DAGLB: variants seen among roughly 807,000 people sequenced by gnomAD.
DAGLB encodes diacylglycerol lipase beta.
In DAGLB, 66 loss-of-function variants were observed where a neutral mutation model predicts 72.1. The ratio of observed to expected loss-of-function variants is 0.92; its 90% confidence interval spans 0.75 to 1.12. The LOEUF is 1.12. DAGLB is among the 50% of genes most tolerant of loss of function. The pLI, the probability that DAGLB is intolerant of heterozygous loss-of-function variation, is 0.00. For synonymous variants in DAGLB, 414 were observed against 359.5 expected (o/e 1.15, Z -1.71); for missense variants, 1,065 against 884.9 (o/e 1.20, Z -2.58).
At chr7:6,429,904 AGT>A (rs1349823403) in intron 6 of DAGLB, among the ~76,000 whole-genome samples, 1 of 151,972 alleles carries the variant, frequency 6.6e-6, no homozygotes, top group East Asian at 1.9e-4. Context: ...ATTAGCCAGC[AGT>A]GGTGGCGGGC....
intron 9 of DAGLB, chr7:6,417,452 C>T (rs1783957519): frequency 1.3e-5 from 2 of 153,724 alleles, no homozygotes; most frequent in African/African-American, 4.8e-5. Flanking sequence ...AACAACCAAA[C>T]ATCTTTCCAC....
Position 6,432,920 on chromosome 7 carries a change from C to T in DAGLB, c.718G>A (p.Ala240Thr), listed in dbSNP as rs755797799. The change falls in exon 5 of 15, where the codon GCC (alanine) becomes ACC (threonine). Residue 240 changes from alanine to threonine, a missense_variant. Coordinates refer to ENST00000297056, the MANE Select transcript of DAGLB (RefSeq NM_139179.4). ...TTGTCCTGTTGCTGATGAAGCAGGG[C>T]GAGGCCCGCCGCAATGTCGCTGGGC... is the stretch of plus-strand genomic sequence containing the variant. ...LVPSDIAAGL[A>T]LLHQQQDNIR... 5.6e-6 allele frequency: 9 copies of T among 1,612,902 alleles called. No individual in the cohort carries two copies. The highest frequency in any genetic ancestry group is 1.1e-5 in the South Asian group (1 of 91,058).
rs1180875374 is a variant in DAGLB at position 6,447,824 on chromosome 7, A to G, written c.19T>C (p.Phe7Leu). 1 of 1,612,840 alleles carries G rather than the reference A, an allele frequency of 6.2e-7. No homozygotes were observed. The highest frequency in any genetic ancestry group is 1.1e-5 in the South Asian group (1 of 90,872). The change falls in exon 1 of 15, where the codon TTC (phenylalanine) becomes CTC (leucine). Residue 7 changes from phenylalanine (F) to leucine (L), a missense_variant. Phe to Leu is a conservative substitution (Grantham distance 22). Coordinates refer to ENST00000297056, the MANE Select transcript of DAGLB (RefSeq NM_139179.4). MPGMVLFGRRWAIASDD... is the reference protein window; with the variant it reads MPGMVLLGRRWAIASDD... The stretch of plus-strand genomic sequence containing the variant: ...CTGGCGATGGCCCAGCGCCGGCCGA[A>G]GAGTACCATCCCCGGCATGGCGAAG...
At position 6,410,176 on chromosome 7, in the gene DAGLB, G is replaced by C; in HGVS notation, c.1774C>G (p.Pro592Ala). 3 of 1,590,240 alleles carry C rather than the reference G, an allele frequency of 1.9e-6. No homozygotes were observed. Among genetic ancestry groups the C allele is most frequent in the Non-Finnish European group, 1.7e-6 (2 of 1,165,544 alleles). ...DSSPKYPPLY[P>A]PGRIIHLQEE... ...TGCAGGTGGATGATCCTGCCGGGAGGGTAGAGAGGGGGGTACTTGGGAGAA... is the reference window on the plus strand; with the variant it reads ...TGCAGGTGGATGATCCTGCCGGGAGCGTAGAGAGGGGGGTACTTGGGAGAA... The change falls in exon 14 of 15, where the codon CCT (proline) becomes GCT (alanine). Residue 592 changes from proline (P) to alanine (A), a missense_variant. Physicochemically the swap from Pro to Ala is conservative, Grantham distance 27. Transcript: ENST00000297056.
rs771212844 is a variant in DAGLB at position 6,410,302 on chromosome 7, C to T, written c.1648G>A (p.Gly550Ser). 1.2e-6 allele frequency: 2 copies of T among 1,614,028 alleles called. No homozygotes were observed. Among genetic ancestry groups the T allele is most frequent in the African/African-American group, 1.3e-5 (1 of 75,038 alleles). Reference sequence around the variant, plus strand: ...GGCTGTGTCAGGACTTCCTGGTCGCCCCCGTCCAGCTCCGTGGGCAAGTTG... The same window carrying T: ...GGCTGTGTCAGGACTTCCTGGTCGCTCCCGTCCAGCTCCGTGGGCAAGTTG... ...PNNLPTELDG[G>S]DQEVLTQPLL... Residue 550 changes from glycine (G) to serine (S), a missense_variant, in exon 14 of 15, where the codon GGC (glycine) becomes AGC (serine). Physicochemically the swap from Gly to Ser is moderately conservative, Grantham distance 56. Coordinates refer to ENST00000297056, the MANE Select transcript of DAGLB (RefSeq NM_139179.4).
intron 11 of DAGLB, among the ~76,000 whole-genome samples, chr7:6,414,605 G>A (rs1583280675): frequency 1.3e-5 from 2 of 152,046 alleles, no homozygotes; most frequent in South Asian, 4.1e-4. Context: ...CCAGCCTCCT[G>A]ATGTTTAAGT....
At chr7:6,411,323 TA>T (rs1400118060) in intron 13 of DAGLB, among the ~76,000 whole-genome samples, 1 of 150,350 alleles carries the variant, frequency 6.7e-6, no homozygotes, top group African/African-American at 2.4e-5. Flanking sequence ...TACTAATTTC[TA>T]AAAAAAATTT....
At chr7:6,421,673 C>T in intron 9 of DAGLB, 54 bp downstream of exon 9, 1 of 1,554,210 alleles carries the variant, frequency 6.4e-7, no homozygotes, top group South Asian at 1.2e-5. Flanking sequence ...CCGAGGCACC[C>T]ATCTTCTGTG....
chr7:6,409,741 G>A lies in DAGLB; in HGVS notation c.*96C>T. The A allele has an allele frequency of 2.2e-6, 3 of 1,346,712 alleles. No individual in the cohort carries two copies. The highest frequency in any genetic ancestry group is 2.0e-6 in the Non-Finnish European group (2 of 989,158). The allele number at this position is 1,346,712 out of a possible 1,614,324, so 83.4% of individuals were successfully genotyped here. ...ATCCGATTCCTGTTGATGGACATTC[G>A]CTGTTTTGGCGTCATGGGAACTCCT... On this transcript the variant is annotated 3_prime_UTR_variant, in exon 15 of 15. Coordinates refer to ENST00000297056, the MANE Select transcript of DAGLB (RefSeq NM_139179.4).
chr7:6,416,536 T>C lies in DAGLB; in HGVS notation c.1427+91A>G, dbSNP rs527338603. 4 of 1,504,562 alleles carry C rather than the reference T, an allele frequency of 2.7e-6. No homozygotes were observed. The East Asian group carries it at 9.2e-5, about 34-fold the overall frequency. The allele number at this position is 1,504,562 out of a possible 1,614,324, so 93.2% of individuals were successfully genotyped here. ...CCAGCCTGGGCGACAGAGCAAGACT[T>C]CATCTCAGGAAAATAAAAGAAAAAA... On this transcript the variant is annotated intron_variant, in intron 11 of 14. Coordinates refer to ENST00000297056, the MANE Select transcript of DAGLB (RefSeq NM_139179.4).
chr7:6,441,427 T>C (rs937406576), intron 2 of DAGLB, among the ~76,000 whole-genome samples: 2 of 144,118 alleles, frequency 1.4e-5, no homozygotes, highest in Admixed American at 1.4e-4. Context: ...TTTTCTTTTT[T>C]TTTTTTTTGA....
chr7:6,431,101 G>A (rs1784474853), intron 5 of DAGLB, among the ~76,000 whole-genome samples: 1 of 151,872 alleles, frequency 6.6e-6, no homozygotes. Context: ...TAGGAACACA[G>A]CAAGCACGGG....
Position 6,421,789 on chromosome 7 carries a change from G to C in DAGLB, c.1156C>G (p.Leu386Val). 6.2e-7 allele frequency: 1 copy of C among 1,613,152 alleles called. No homozygotes were observed. Among genetic ancestry groups the C allele is most frequent in the Non-Finnish European group, 8.5e-7 (1 of 1,179,620 alleles). ...TCCAGCACCTCACTCTCCGCTGACA[G>C]GTCCGTAAGGACATCCTGTAAAAAG... ...TMSLQDVLTDLSAESEVLDVE... is the reference protein window; with the variant it reads ...TMSLQDVLTDVSAESEVLDVE... The change falls in exon 9 of 15, where the codon CTG becomes GTG. Residue 386 changes from leucine (L) to valine (V), a missense_variant. Coordinates refer to ENST00000297056, the MANE Select transcript of DAGLB (RefSeq NM_139179.4).
chr7:6,432,896 T>C lies in DAGLB; in HGVS notation c.742A>G (p.Asn248Asp). 1.9e-6 allele frequency: 3 copies of C among 1,613,866 alleles called. No homozygotes were observed. Among genetic ancestry groups the C allele is most frequent in the Admixed American group, 1.7e-5 (1 of 60,016 alleles). The change falls in exon 5 of 15, where the codon AAT becomes GAT. Residue 248 changes from asparagine (N) to aspartate (D), a missense_variant. By Grantham distance (23) the Asn-to-Asp change is conservative (BLOSUM62 1). Transcript: ENST00000297056. ...GCAGGCTCTTGGTTGTTCCTGATATTGTCCTGTTGCTGATGAAGCAGGGCG... is the reference window on the plus strand; with the variant it reads ...GCAGGCTCTTGGTTGTTCCTGATATCGTCCTGTTGCTGATGAAGCAGGGCG... Reference protein sequence around the residue: ...GLALLHQQQDNIRNNQEPAQV... With the variant: ...GLALLHQQQDDIRNNQEPAQV...
In DAGLB at chr7:6,430,868, C is replaced by G. The variant is rs141395797; in HGVS notation, c.802-261G>C. Among the ~76,000 whole-genome samples the G allele has an allele frequency of 2.3e-3, 343 of 152,124 alleles. 3 individuals carry two copies. Among genetic ancestry groups the G allele is most frequent in the African/African-American group, 7.8e-3 (324 of 41,492 alleles). ...TCAGCTCACTGCTACCTCCGCCTCC[C>G]AGGTTCAAGCAATTCCCCTGCCTCA... On this transcript the variant is annotated intron_variant, in intron 5 of 14. Transcript: ENST00000297056.
chr7:6,436,586 G>A lies in DAGLB; in HGVS notation c.248-53C>T, dbSNP rs999758765. On this transcript the variant is annotated intron_variant, in intron 2 of 14. Coordinates refer to ENST00000297056, the MANE Select transcript of DAGLB (RefSeq NM_139179.4). ...TCAGTTGCTTCCTCAGAGATGAAGA[G>A]CTTCCTTTTTGCAAAAATACAGCTT... 3.7e-6 allele frequency: 6 copies of A among 1,606,954 alleles called. No individual in the cohort carries two copies. The Admixed American group carries it at 8.7e-5, about 23-fold the overall frequency.
At chr7:6,424,636 C>G in intron 8 of DAGLB, 116 bp downstream of exon 8, 2 of 965,676 alleles carry the variant, frequency 2.1e-6, no homozygotes, top group South Asian at 2.7e-5. Flanking sequence ...ATTTTCTGTC[C>G]TCACCATTTT....
intron 8 of DAGLB, among the ~76,000 whole-genome samples, chr7:6,423,680 C>A (rs1306535605): frequency 6.6e-6 from 1 of 151,918 alleles, no homozygotes; most frequent in African/African-American, 2.4e-5. Flanking sequence ...CTCCGCCTCC[C>A]GGGTTCAAGT....
chr7:6,442,622 A>T (rs1459207995), intron 2 of DAGLB, among the ~76,000 whole-genome samples: 1 of 152,234 alleles, frequency 6.6e-6, no homozygotes, highest in Admixed American at 6.5e-5. Context: ...CCAGCGCTGA[A>T]GCCACACTGT....
Sources: allele counts gnomAD v4.1 joint callset (sites outside exome capture counted in the v4.1 genomes callset), GRCh38; gene constraint gnomAD v4.1.1; transcripts MANE v1.5; gene names NCBI Gene and HGNC (gene_info 2026-07-23, HGNC 2026-07-21).